NAXD: variants seen among roughly 807,000 people sequenced by gnomAD.
The protein encoded by NAXD is NAD(P)HX dehydratase, also known as ATP-dependent (S)-NAD(P)H-hydrate dehydratase.
NAXD carries 22 observed loss-of-function variants against 35.8 expected under a neutral mutation model. The observed-to-expected ratio is 0.62, with a 90% CI of 0.44 to 0.88. The LOEUF is 0.88. Among genes scored for constraint, NAXD ranks in the 40% least tolerant of loss-of-function variants. The probability of loss-of-function intolerance (pLI) is 0.00; values close to 1 mark genes in which losing one functional copy is unlikely to be tolerated. For synonymous variants in NAXD, 189 were observed against 177.6 expected, an observed-to-expected ratio of 1.06 and a Z score of -0.51; for missense variants, 428 against 437.7, an observed-to-expected ratio of 0.98 and a Z score of 0.20.
chr13:110,635,111 A>G (rs1886873319), intron 7 of NAXD, among the ~76,000 whole-genome samples: 1 of 152,142 alleles, frequency 6.6e-6, no homozygotes, highest in South Asian at 2.1e-4. Context: ...GAGGAAACCT[A>G]TGTAAAGCCG....
chr13:110,635,577 AC>A lies in NAXD; in HGVS notation c.708del (p.Asn236LysfsTer80), dbSNP rs762249674. The A allele has an allele frequency of 6.2e-7, 1 of 1,614,082 alleles. No individual in the cohort carries two copies. The highest frequency in any genetic ancestry group is 1.1e-5 in the South Asian group (1 of 91,082). The stretch of plus-strand genomic sequence containing the variant: ...AAAGGAGAGCGCGACATCCTCTCCA[AC>A]GGCCAGCAGGGTGAGTGGCGGCTGC... ...VQKGERDILS[N>X]GQQVLVCSQE... On this transcript the variant is annotated frameshift_variant, in exon 8 of 10. Transcript: ENST00000680254. LOFTEE classifies it high-confidence loss of function.
chr13:110,619,477 G>A (rs774209650), intron 1 of NAXD, among the ~76,000 whole-genome samples: 1 of 152,144 alleles, frequency 6.6e-6, no homozygotes, highest in African/African-American at 2.4e-5. Flanking sequence ...ACATCCGTAA[G>A]TTGAAGTCTG....
At chr13:110,617,565 A>G (rs1047215658) in intron 1 of NAXD, among the ~76,000 whole-genome samples, 6 of 152,238 alleles carry the variant, frequency 3.9e-5, no homozygotes, top group African/African-American at 1.4e-4. Context: ...CCTTTTGCTA[A>G]CAGAAGCTGT....
rs1224459154 is a variant in NAXD, at chr13:110,638,237, C to T, written c.840-141C>T. On this transcript the variant is annotated intron_variant, in intron 9 of 9. Transcript: ENST00000680254. The surrounding 1 kb of genome is among the most constrained non-coding windows in gnomAD (Gnocchi z 5.4). ...TTCGCTGTGATAAACCTGCTTTCTC[C>T]TCAGGGGCATATCAGACTTGAAATT... The T allele has an allele frequency of 3.9e-6, 6 of 1,553,742 alleles. No individual in the cohort carries two copies. Among genetic ancestry groups the T allele is most frequent in the East Asian group, 4.5e-5 (2 of 44,454 alleles).
At position 110,625,255 on chromosome 13, in the gene NAXD, G is replaced by A. The variant is rs779694935; in HGVS notation, c.309G>A (p.Pro103=). The change falls in exon 4 of 10, where the codon CCG becomes CCA. Residue 103 remains proline (P), a synonymous_variant. Transcript: ENST00000680254. ...AAAPVIKAYS[P]ELIVHPVLDS... is the part of the protein sequence containing the mutation. ...CACCTGTGATTAAGGCCTACAGCCC[G>A]GAGCTGATCGTCCACCCAGTTCTGT... The A allele has an allele frequency of 3.2e-5, 51 of 1,613,180 alleles. No homozygotes were observed. Among genetic ancestry groups the A allele is most frequent in the African/African-American group, 1.1e-4 (8 of 74,898 alleles).
At chr13:110,635,673 C>G (rs1594185189) in intron 8 of NAXD, 85 bp downstream of exon 8, 5 of 1,449,860 alleles carry the variant, frequency 3.4e-6, no homozygotes, top group Non-Finnish European at 4.8e-6. Context: ...GAAGACCTCT[C>G]CCGTGCACAC....
chr13:110,627,521 G>A lies in NAXD; in HGVS notation c.415G>A (p.Asp139Asn), dbSNP rs377430322. The change falls in exon 5 of 10, where the codon GAT (aspartate) becomes AAT (asparagine). Residue 139 changes from aspartate to asparagine, a missense_variant. Physicochemically the swap from Asp to Asn is conservative, Grantham distance 23 (BLOSUM62 1). Around this residue, in one of 3 missense-constraint regions of NAXD, gnomAD observed 208 missense variants for 193.0 expected, o/e 1.08. Coordinates refer to ENST00000680254, the MANE Select transcript of NAXD (RefSeq NM_001242882.2). ...ALVVGPGLGR[D>N]DALLRNVQGI... is the part of the protein sequence containing the mutation. ...TGTCGTAGGACCTGGCTTGGGTAGA[G>A]ATGATGCGCTTCTCAGAAATGTCCA... The A allele has an allele frequency of 1.9e-6, 3 of 1,613,784 alleles. No individual in the cohort carries two copies. Among genetic ancestry groups the A allele is most frequent in the Non-Finnish European group, 2.5e-6 (3 of 1,179,778 alleles).
intron 2 of NAXD, among the ~76,000 whole-genome samples, chr13:110,623,637 A>C (rs1182013981): frequency 2.0e-5 from 3 of 152,220 alleles, no homozygotes; most frequent in African/African-American, 7.2e-5. Flanking sequence ...GAACATTCAC[A>C]TTGCAGGGAG....
intron 1 of NAXD, among the ~76,000 whole-genome samples, chr13:110,621,956 G>A (rs1011077310): frequency 6.6e-6 from 1 of 151,706 alleles, no homozygotes; most frequent in African/African-American, 2.4e-5. Flanking sequence ...CTTGAACCTG[G>A]GAGGCAGAGG....
chr13:110,624,016 A>G (rs1886364563), intron 2 of NAXD, among the ~76,000 whole-genome samples: 1 of 152,076 alleles, frequency 6.6e-6, no homozygotes, highest in African/African-American at 2.4e-5. Context: ...AAAAAAAAAA[A>G]AAAAGACATT....
chr13:110,623,470 G>A (rs1886342220), intron 2 of NAXD, among the ~76,000 whole-genome samples: 1 of 152,178 alleles, frequency 6.6e-6, no homozygotes, highest in South Asian at 2.1e-4. Flanking sequence ...GCCGTTTCTT[G>A]TTTGTCCCAG....
intron 5 of NAXD, among the ~76,000 whole-genome samples, chr13:110,632,881 G>C (rs886396690): frequency 6.6e-6 from 1 of 151,224 alleles, no homozygotes; most frequent in African/African-American, 2.4e-5. Context: ...CTAGACACAG[G>C]GTGCTGATTG....
At chr13:110,631,962 C>T (rs960292236) in intron 5 of NAXD, among the ~76,000 whole-genome samples, 5 of 152,186 alleles carry the variant, frequency 3.3e-5, no homozygotes, top group African/African-American at 9.6e-5. Flanking sequence ...TTAATATACA[C>T]GGCTTTAGTT....
At chr13:110,621,466 C>T (rs1236934355) in intron 1 of NAXD, among the ~76,000 whole-genome samples, 2 of 152,048 alleles carry the variant, frequency 1.3e-5, no homozygotes, top group African/African-American at 2.4e-5. Context: ...GAGGCTGAGG[C>T]GGGCAGATCA....
chr13:110,616,033 G>A, intron 1 of NAXD: 1 of 380,328 alleles, frequency 2.6e-6, no homozygotes, highest in South Asian at 1.2e-4. Context: ...CGGTGGCCGG[G>A]GAACGGGGGG....
intron 1 of NAXD, among the ~76,000 whole-genome samples, chr13:110,617,512 C>T (rs1886104153): frequency 6.6e-6 from 1 of 152,226 alleles, no homozygotes; most frequent in South Asian, 2.1e-4. Context: ...CTGGAACTTG[C>T]TTCACTGCCA....
chr13:110,626,179 C>T (rs330558), intron 4 of NAXD, among the ~76,000 whole-genome samples: 12 of 151,686 alleles, frequency 7.9e-5, no homozygotes, highest in Non-Finnish European at 1.6e-4. Flanking sequence ...AAGGCTCCTA[C>T]GCGGCTGTGG....
chr13:110,618,490 T>C (rs998483082), intron 1 of NAXD, among the ~76,000 whole-genome samples: 1 of 152,196 alleles, frequency 6.6e-6, no homozygotes, highest in Admixed American at 6.5e-5. Context: ...CAGAACAGGA[T>C]TCCCCCCGTG....
rs1159262325 is a variant in NAXD, at chr13:110,638,367, CCT to C, written c.840-7_840-6del. On this transcript the variant is annotated splice_polypyrimidine_tract_variant and intron_variant, in intron 9 of 9. Transcript: ENST00000680254. This position sits in a 1 kb window ranked among gnomAD's most constrained non-coding sequence, Gnocchi z 5.4. ...ACTTCCCCACACCTCCTGCTGTCCC[CCT>C]CTCCGCAGGTCCAGCCCTCTCCTGG... The C allele has an allele frequency of 3.1e-5, 50 of 1,613,768 alleles. No individual in the cohort carries two copies. The highest frequency in any genetic ancestry group is 4.4e-5 in the South Asian group (4 of 91,086).
Sources: allele counts gnomAD v4.1 joint callset (sites outside exome capture counted in the v4.1 genomes callset), GRCh38; gene constraint gnomAD v4.1.1; regional missense constraint gnomAD v4.1.1; non-coding constraint Gnocchi (gnomAD v3.1); transcripts MANE v1.5; gene names NCBI Gene and HGNC (gene_info 2026-07-23, HGNC 2026-07-21).